Variants in FBXW10 observed in about 807,000 individuals in gnomAD.
FBXW10 encodes the protein F-box and WD repeat domain containing 10.
In FBXW10, 68 loss-of-function variants were observed where a neutral mutation model predicts 113.1. That is an observed-to-expected ratio of 0.60 (90% CI 0.49 to 0.74). The LOEUF (loss-of-function observed/expected upper bound fraction) is 0.74, where lower values mean the gene tolerates loss of function less well. FBXW10 is among the 30% of genes least tolerant of loss of function. The probability of loss-of-function intolerance (pLI) is 0.00; values close to 1 mark genes in which losing one functional copy is unlikely to be tolerated. For synonymous variants in FBXW10, 289 were observed against 481.6 expected (o/e 0.60, Z 5.24); for missense variants, 753 against 1,284.5 (o/e 0.59, Z 6.32).
chr17:18,769,057 T>C (rs2151824335), intron 10 of FBXW10, among the ~76,000 whole-genome samples: 1 of 151,370 alleles, frequency 6.6e-6, no homozygotes, highest in East Asian at 2.0e-4. Context: ...TGTCTCAGCT[T>C]TCTAAGTAGC....
intron 6 of FBXW10, 86 bp downstream of exon 6, chr17:18,756,240 A>T: frequency 7.8e-7 from 1 of 1,289,634 alleles, no homozygotes; most frequent in Non-Finnish European, 1.1e-6. Context: ...CTTTGTGTAC[A>T]TGGAAAGGCA....
At chr17:18,759,905 G>T (rs534916316) in intron 7 of FBXW10, among the ~76,000 whole-genome samples, 7 of 152,124 alleles carry the variant, frequency 4.6e-5, no homozygotes, top group Non-Finnish European at 8.8e-5. Flanking sequence ...GTGAGCCACC[G>T]CGCCGGGCCC....
At chr17:18,750,816 A>G (rs1395232729) in intron 4 of FBXW10, 115 bp from the exon 5 acceptor site, 4 of 1,262,798 alleles carry the variant, frequency 3.2e-6, no homozygotes, top group Non-Finnish European at 4.3e-6. Flanking sequence ...GCCAGGGCTT[A>G]CCCATCCTTC....
chr17:18,750,279 T>G (rs1207002272), intron 4 of FBXW10, 142 bp downstream of exon 4: 60 of 1,036,724 alleles, frequency 5.8e-5, no homozygotes, highest in Non-Finnish European at 8.1e-5. Flanking sequence ...CCTGGGTCCC[T>G]TCTTTTTGGT....
intron 12 of FBXW10, 129 bp from the exon 13 acceptor site, chr17:18,775,006 TA>T: frequency 3.2e-6 from 2 of 626,016 alleles, no homozygotes; most frequent in Non-Finnish European, 5.6e-6. Flanking sequence ...TATGTACCCA[TA>T]AAAAACAAGA....
chr17:18,757,485 A>G (rs7223948), intron 6 of FBXW10, among the ~76,000 whole-genome samples: 48,611 of 150,684 alleles, frequency 0.32, 5,484 homozygotes, highest in East Asian at 0.51. Flanking sequence ...AGTGTCATTA[A>G]TAATAGTGTC....
intron 7 of FBXW10, among the ~76,000 whole-genome samples, chr17:18,759,822 A>C (rs1251775262): frequency 1.3e-5 from 2 of 151,976 alleles, no homozygotes; most frequent in Non-Finnish European, 2.9e-5. Flanking sequence ...TCCCCATGTT[A>C]GCCAGGATGG....
Position 18,748,063 on chromosome 17 carries a change from G to A in FBXW10, c.628G>A (p.Ala210Thr), listed in dbSNP as rs2151787396. ...TQHTSLPLSK[A>T]PENEHLLGAA... The stretch of plus-strand genomic sequence containing the variant: ...GCACACATCCCTTCCTTTGTCCAAA[G>A]CCCCAGAAAATGAACACTTGCTTGG... Residue 210 changes from alanine (A) to threonine (T), a missense_variant, in exon 2 of 14, where the codon GCC (alanine) becomes ACC (threonine). Transcript: ENST00000395665. 1.9e-6 allele frequency: 3 copies of A among 1,613,752 alleles called. No individual in the cohort carries two copies. The highest frequency in any genetic ancestry group is 2.5e-6 in the Non-Finnish European group (3 of 1,179,838).
intron 5 of FBXW10, among the ~76,000 whole-genome samples, chr17:18,754,013 GGTGA>G (rs1457121733): frequency 1.8e-4 from 28 of 152,284 alleles, no homozygotes; most frequent in African/African-American, 5.8e-4. Context: ...TTCTCAGGGT[GGTGA>G]GTAATAGCAT....
rs532318254 is a variant in FBXW10, at chr17:18,766,576, G to A, written c.1556-138G>A. 15 of 1,149,350 alleles carry A rather than the reference G, an allele frequency of 1.3e-5. No homozygotes were observed. The South Asian group carries it at 1.8e-4, about 13-fold the overall frequency. The allele number at this position is 1,149,350 out of a possible 1,614,324, so 71.2% of individuals were successfully genotyped here. On this transcript the variant is annotated intron_variant, in intron 8 of 13. Transcript: ENST00000395665. ...CTGCTCTGCGGAGGTGCTAGGCCAC[G>A]GGAAGTCCTTCTAGAATCTGACTTG...
chr17:18,764,200 CTT>C (rs140032131), intron 7 of FBXW10, among the ~76,000 whole-genome samples: 19 of 116,566 alleles, frequency 1.6e-4, no homozygotes, highest in African/African-American at 3.7e-4. Flanking sequence ...TGTAAATACT[CTT>C]TTTTTTTTTT....
chr17:18,757,797 A>C (rs569928091), intron 6 of FBXW10, among the ~76,000 whole-genome samples: 2 of 152,384 alleles, frequency 1.3e-5, no homozygotes, highest in South Asian at 4.1e-4. Context: ...TGGGACAATA[A>C]GCTCATTGTA....
chr17:18,774,031 C>T (rs1185717893), intron 12 of FBXW10, among the ~76,000 whole-genome samples: 1 of 151,576 alleles, frequency 6.6e-6, no homozygotes, highest in African/African-American at 2.4e-5. Flanking sequence ...CTATTGATTA[C>T]ACTCTAATGG....
intron 5 of FBXW10, among the ~76,000 whole-genome samples, chr17:18,753,599 G>A (rs2035209023): frequency 6.6e-6 from 1 of 152,102 alleles, no homozygotes. Flanking sequence ...GGGGCCAGGC[G>A]CAGTGGCTCA....
Position 18,759,907 on chromosome 17 carries a change from G to C in FBXW10, c.1433+1402G>C, listed in dbSNP as rs79326915. On this transcript the variant is annotated intron_variant, in intron 7 of 13. Coordinates refer to ENST00000395665, the MANE Select transcript of FBXW10 (RefSeq NM_001267585.2). ...TGGGATTACAGGTGTGAGCCACCGC[G>C]CCGGGCCCTTGTTTCTAGTTTTTAA... 1.9e-3 allele frequency among the ~76,000 whole-genome samples: 288 copies of C among 152,266 alleles called. 2 individuals carry two copies. The East Asian group carries it at 0.054, about 29-fold the overall frequency.
chr17:18,769,628 T>G (rs1398214063), intron 10 of FBXW10: 37 of 282,122 alleles, frequency 1.3e-4, no homozygotes, highest in Admixed American at 2.5e-4. Flanking sequence ...TACAAAAAAA[T>G]TAGCCAGGTG....
At chr17:18,773,628 T>C (rs1352078525) in intron 12 of FBXW10, among the ~76,000 whole-genome samples, 1 of 152,170 alleles carries the variant, frequency 6.6e-6, no homozygotes, top group Non-Finnish European at 1.5e-5. Context: ...GCATGTGAAA[T>C]TGGATCCACA....
At chr17:18,777,188 A>G (rs2035717852) in intron 13 of FBXW10, among the ~76,000 whole-genome samples, 1 of 150,388 alleles carries the variant, frequency 6.6e-6, no homozygotes, top group South Asian at 2.1e-4. Context: ...CAGCCTCCTC[A>G]GTAGCTAGGA....
At chr17:18,749,292 ACT>A (rs1207272217) in intron 2 of FBXW10, among the ~76,000 whole-genome samples, 2 of 151,780 alleles carry the variant, frequency 1.3e-5, no homozygotes, top group Admixed American at 1.3e-4. Flanking sequence ...TAATCCCAGC[ACT>A]CTGGGAGGCC....
Sources: allele counts gnomAD v4.1 joint callset (sites outside exome capture counted in the v4.1 genomes callset), GRCh38; gene constraint gnomAD v4.1.1; transcripts MANE v1.5; gene names NCBI Gene and HGNC (gene_info 2026-07-23, HGNC 2026-07-21).